The following FGF14 variants were observed in gnomAD, a reference collection of about 807,000 sequenced individuals.
FGF14 encodes fibroblast growth factor homologous factor 4.
Under a neutral mutation model 25.5 loss-of-function variants are expected in FGF14, and 5 were observed. The observed-to-expected ratio is 0.20, with a 90% CI of 0.10 to 0.41. FGF14 has a LOEUF of 0.41. Among genes scored for constraint, FGF14 ranks in the 10% least tolerant of loss-of-function variants. FGF14 has a pLI of 1.00. For missense variants in FGF14, 222 were observed against 320.1 expected (o/e 0.69, Z 2.34); for synonymous variants, 138 against 118.3 (o/e 1.17, Z -1.08).
At chr13:101,966,407 C>T (rs992053133) in intron 1 of FGF14, among the ~76,000 whole-genome samples, 1 of 152,172 alleles carries the variant, frequency 6.6e-6, no homozygotes, top group Admixed American at 6.5e-5. Flanking sequence ...CTGGAGGGAG[C>T]ATGGTTCTGC....
intron 1 of FGF14, among the ~76,000 whole-genome samples, chr13:102,012,811 A>C (rs2040149635): frequency 6.6e-6 from 1 of 152,084 alleles, no homozygotes; most frequent in Non-Finnish European, 1.5e-5. Context: ...CTTTCCATCC[A>C]TGCCCAGTAC....
At chr13:101,771,020 A>T (rs2038735435) in intron 3 of FGF14, among the ~76,000 whole-genome samples, 1 of 152,110 alleles carries the variant, frequency 6.6e-6, no homozygotes, top group Non-Finnish European at 1.5e-5. Flanking sequence ...ATTAAATTAA[A>T]ACTGTGTGAA....
chr13:102,389,976 A>G (rs1007688427), intron 1 of FGF14, among the ~76,000 whole-genome samples: 1 of 152,190 alleles, frequency 6.6e-6, no homozygotes, highest in Non-Finnish European at 1.5e-5. Context: ...AAATTTTTAG[A>G]TGTTAGGAGT....
chr13:102,337,468 T>A (rs1476166191), intron 1 of FGF14, among the ~76,000 whole-genome samples: 1 of 152,180 alleles, frequency 6.6e-6, no homozygotes, highest in Non-Finnish European at 1.5e-5. Flanking sequence ...AGTGTTTTTT[T>A]GAGATGGAAT....
intron 1 of FGF14, among the ~76,000 whole-genome samples, chr13:102,205,324 T>C (rs1235950249): frequency 1.3e-5 from 2 of 152,080 alleles, no homozygotes; most frequent in Non-Finnish European, 2.9e-5. Flanking sequence ...ATGATGCACA[T>C]GGAATGCTTA....
intron 3 of FGF14, among the ~76,000 whole-genome samples, chr13:101,791,458 CA>C (rs778926961): frequency 4.6e-5 from 7 of 152,050 alleles, no homozygotes; most frequent in Non-Finnish European, 7.4e-5. Context: ...TAGTAGTCGA[CA>C]AAGGACAGTC....
chr13:101,787,238 T>C (rs2039891361), intron 3 of FGF14, among the ~76,000 whole-genome samples: 2 of 152,206 alleles, frequency 1.3e-5, no homozygotes, highest in South Asian at 4.1e-4. Flanking sequence ...CTTTCCCTGA[T>C]TTCAAATAGT....
intron 1 of FGF14, among the ~76,000 whole-genome samples, chr13:102,375,079 G>A (rs1434952008): frequency 3.9e-5 from 6 of 152,014 alleles, no homozygotes; most frequent in Non-Finnish European, 7.4e-5. Flanking sequence ...TAGTTAAAGG[G>A]AGACTTTAGA....
At chr13:101,962,959 T>C (rs970015290) in intron 1 of FGF14, among the ~76,000 whole-genome samples, 3 of 152,244 alleles carry the variant, frequency 2.0e-5, no homozygotes, top group African/African-American at 7.2e-5. Flanking sequence ...TATTACTATA[T>C]TTCATCTTCC....
At chr13:101,776,137 C>G (rs948013119) in intron 3 of FGF14, among the ~76,000 whole-genome samples, 11 of 152,098 alleles carry the variant, frequency 7.2e-5, no homozygotes, top group African/African-American at 2.7e-4. Flanking sequence ...ACATCTGAGG[C>G]CTTCCACACT....
chr13:102,284,352 C>T (rs2053990336), intron 1 of FGF14, among the ~76,000 whole-genome samples: 1 of 152,098 alleles, frequency 6.6e-6, no homozygotes, highest in Non-Finnish European at 1.5e-5. Flanking sequence ...ACGGGAATGA[C>T]TTAGGGTTGC....
intron 1 of FGF14, among the ~76,000 whole-genome samples, chr13:102,154,408 G>A (rs1183786170): frequency 6.6e-6 from 1 of 151,472 alleles, no homozygotes; most frequent in African/African-American, 2.4e-5. Flanking sequence ...TTCATATCCA[G>A]CCAAACTAAG....
chr13:102,025,247 G>A (rs73565746), intron 1 of FGF14, among the ~76,000 whole-genome samples: 4,827 of 151,866 alleles, frequency 0.032, 246 homozygotes, highest in African/African-American at 0.11. Flanking sequence ...ATTTTGATAC[G>A]AATTATGAAT....
chr13:102,206,771 G>A (rs1484888005), intron 1 of FGF14, among the ~76,000 whole-genome samples: 1 of 152,140 alleles, frequency 6.6e-6, no homozygotes, highest in Non-Finnish European at 1.5e-5. Context: ...AATATCACGT[G>A]AATCAATAGG....
chr13:101,924,369 C>G (rs1248205066), intron 1 of FGF14, among the ~76,000 whole-genome samples: 1 of 151,910 alleles, frequency 6.6e-6, no homozygotes, highest in Non-Finnish European at 1.5e-5. Flanking sequence ...TACATCTGCA[C>G]ACACATGTTG....
chr13:102,016,038 C>T (rs2040325026), intron 1 of FGF14, among the ~76,000 whole-genome samples: 1 of 151,896 alleles, frequency 6.6e-6, no homozygotes, highest in African/African-American at 2.4e-5. Context: ...GTATAATATC[C>T]CTTCTCAATA....
chr13:102,078,773 C>T (rs984777021), intron 1 of FGF14, among the ~76,000 whole-genome samples: 1 of 152,162 alleles, frequency 6.6e-6, no homozygotes, highest in Non-Finnish European at 1.5e-5. Context: ...ATTAAGAACT[C>T]GAACTTCATT....
At chr13:102,203,004 G>C (rs1270941452) in intron 1 of FGF14, among the ~76,000 whole-genome samples, 1 of 152,082 alleles carries the variant, frequency 6.6e-6, no homozygotes, top group Non-Finnish European at 1.5e-5. Flanking sequence ...ACCAGATCAG[G>C]ATTTACCAAA....
chr13:102,047,919 T>C (rs1020721096), intron 1 of FGF14, among the ~76,000 whole-genome samples: 1 of 151,866 alleles, frequency 6.6e-6, no homozygotes, highest in Admixed American at 6.6e-5. Flanking sequence ...AAGCAAAAAA[T>C]ACATTTTTAT....
Sources: gnomAD v4.1 joint callset for allele counts (sites outside exome capture counted in the v4.1 genomes callset) on GRCh38, gnomAD v4.1.1 for gene constraint, MANE v1.5 for transcripts, NCBI Gene and HGNC (gene_info 2026-07-23, HGNC 2026-07-21) for gene names.